The following SEPHS1 variants were observed in gnomAD, a reference collection of about 807,000 sequenced individuals.
SEPHS1 encodes selenophosphate synthetase 1, also known as zincore component SEPHS1.
SEPHS1 carries 7 observed loss-of-function variants against 39.2 expected under a neutral mutation model. The observed-to-expected ratio is 0.18, with a 90% CI of 0.10 to 0.34. The LOEUF (loss-of-function observed/expected upper bound fraction) is 0.34. Among genes scored for constraint, SEPHS1 ranks in the 10% least tolerant of loss-of-function variants. The probability of loss-of-function intolerance (pLI) is 1.00; values close to 1 mark genes in which losing one functional copy is unlikely to be tolerated. For missense variants in SEPHS1, 253 were observed against 514.5 expected (o/e 0.49, Z 4.92); for synonymous variants, 190 against 195.5 (o/e 0.97, Z 0.23).
At chr10:13,336,663 G>C (rs1007454217) in intron 3 of SEPHS1, among the ~76,000 whole-genome samples, 1 of 152,186 alleles carries the variant, frequency 6.6e-6, no homozygotes, top group African/African-American at 2.4e-5. Context: ...AGGGGTATAT[G>C]TGCAGCGAAT....
intron 2 of SEPHS1, 149 bp from the exon 3 acceptor site, chr10:13,338,957 G>GTT: frequency 1.5e-6 from 1 of 651,524 alleles, no homozygotes; most frequent in Non-Finnish European, 2.8e-6. Flanking sequence ...ATCAAGAAGC[G>GTT]TAACTGAAAT....
At chr10:13,332,209 G>T (rs1352198138) in intron 5 of SEPHS1, among the ~76,000 whole-genome samples, 1 of 152,228 alleles carries the variant, frequency 6.6e-6, no homozygotes, top group Non-Finnish European at 1.5e-5. Flanking sequence ...ATGCGATACC[G>T]ATTCATGCTA....
rs1382323318 is a variant in SEPHS1, at chr10:13,318,383, C to A, written c.*759G>T. 2.0e-5 allele frequency: 3 copies of A among 152,506 alleles called. No individual in the cohort carries two copies. The highest frequency in any genetic ancestry group is 6.6e-5 in the Admixed American group (1 of 15,260). 9.4% of individuals were successfully genotyped at this position (152,506 alleles called of 1,614,324 possible). A position where few individuals can be genotyped will look rare whatever the true frequency, so the allele number is the denominator to read the frequency against. On this transcript the variant is annotated 3_prime_UTR_variant, in exon 9 of 9. Transcript: ENST00000327347. ...ATTGTAAATGAGTATTATACATGAA[C>A]CTCCATTCGGAAGGCAATTCCTTGT...
chr10:13,337,625 C>A (rs1207178396), intron 3 of SEPHS1, among the ~76,000 whole-genome samples: 1 of 152,182 alleles, frequency 6.6e-6, no homozygotes, highest in Non-Finnish European at 1.5e-5. Flanking sequence ...AACAGGTGGT[C>A]TACAACTCGC....
chr10:13,319,431 G>A lies in SEPHS1; in HGVS notation c.965-75C>T, dbSNP rs749067114. On this transcript the variant is annotated intron_variant, in intron 8 of 8. Transcript: ENST00000327347. ...TCTCTGCCTCTGCTGCTTCTGCAGAGATCCAACTTCCATCAACAACTTGCT... is the reference window on the plus strand; with the variant it reads ...TCTCTGCCTCTGCTGCTTCTGCAGAAATCCAACTTCCATCAACAACTTGCT... The A allele has an allele frequency of 5.4e-5, 80 of 1,469,710 alleles. 1 individual carries two copies. In the South Asian group the frequency reaches 8.7e-4, roughly 16 times the overall value. The allele number at this position is 1,469,710 out of a possible 1,614,324, so 91.0% of individuals were successfully genotyped here.
chr10:13,319,394 A>G, intron 8 of SEPHS1, 38 bp from the exon 9 acceptor site: 1 of 1,601,676 alleles, frequency 6.2e-7, no homozygotes, highest in Non-Finnish European at 8.5e-7. Flanking sequence ...TAGTGTTGAC[A>G]TGACAGCAGC....
At chr10:13,346,011 T>C (rs547770710) in intron 1 of SEPHS1, among the ~76,000 whole-genome samples, 2 of 151,660 alleles carry the variant, frequency 1.3e-5, no homozygotes, top group South Asian at 2.1e-4. Context: ...GAAAGTTCTC[T>C]GATGTTTTCA....
chr10:13,345,116 G>A (rs940171407), intron 1 of SEPHS1, 88 bp from the exon 2 acceptor site: 1 of 530,768 alleles, frequency 1.9e-6, no homozygotes, highest in Non-Finnish European at 3.2e-6. Context: ...ACAGCGAAAA[G>A]TCAATGTGAC....
rs751731346 is a variant in SEPHS1 at position 13,336,229 on chromosome 10, T to C, written c.405+14A>G. On this transcript the variant is annotated intron_variant, in intron 4 of 8. Coordinates refer to ENST00000327347, the MANE Select transcript of SEPHS1 (RefSeq NM_012247.5). ...CAACACGGACCAGGCAGCAGCCGGG[T>C]AGCTCCTACTTACCCTGTCGGTCAT... The C allele has an allele frequency of 1.3e-6, 2 of 1,570,518 alleles. No homozygotes were observed. The highest frequency in any genetic ancestry group is 1.7e-5 in the Admixed American group (1 of 59,798).
chr10:13,345,172 A>G (rs1833888102), intron 1 of SEPHS1, 144 bp from the exon 2 acceptor site: 1 of 391,104 alleles, frequency 2.6e-6, no homozygotes, highest in Non-Finnish European at 4.5e-6. Flanking sequence ...ACAGCAGTGC[A>G]TATGACAAAA....
chr10:13,347,913 G>T (rs1833981841), intron 1 of SEPHS1, 87 bp downstream of exon 1: 1 of 146,460 alleles, frequency 6.8e-6, no homozygotes, highest in African/African-American at 2.5e-5. Flanking sequence ...CGGCCCGGAG[G>T]GGGATTTGCA....
At chr10:13,332,774 T>C (rs903719884) in intron 5 of SEPHS1, among the ~76,000 whole-genome samples, 29 of 150,422 alleles carry the variant, frequency 1.9e-4, no homozygotes, top group Non-Finnish European at 4.0e-4. Context: ...ACCCGGGAGA[T>C]GGAGCTTGCA....
chr10:13,334,115 G>A, intron 4 of SEPHS1, 144 bp from the exon 5 acceptor site: 1 of 723,564 alleles, frequency 1.4e-6, no homozygotes. Flanking sequence ...AGGTTGTTAG[G>A]GGCCAGGCAT....
At chr10:13,321,405 G>A (rs779884285) in intron 8 of SEPHS1, among the ~76,000 whole-genome samples, 1 of 151,962 alleles carries the variant, frequency 6.6e-6, no homozygotes, top group Non-Finnish European at 1.5e-5. Context: ...ACGCCACGAC[G>A]CCCCGCTAAT....
chr10:13,344,151 C>T (rs1164639065), intron 2 of SEPHS1, among the ~76,000 whole-genome samples: 1 of 152,174 alleles, frequency 6.6e-6, no homozygotes, highest in African/African-American at 2.4e-5. Context: ...TCGCCCGATG[C>T]ACCCTGCAGA....
intron 1 of SEPHS1, among the ~76,000 whole-genome samples, chr10:13,345,688 C>A (rs539276165): frequency 6.6e-6 from 1 of 152,108 alleles, no homozygotes; most frequent in African/African-American, 2.4e-5. Flanking sequence ...ACAAGCCTGG[C>A]CAACATGGCG....
chr10:13,334,096 A>G (rs1833552377), intron 4 of SEPHS1, 125 bp from the exon 5 acceptor site: 1 of 852,690 alleles, frequency 1.2e-6, no homozygotes, highest in South Asian at 1.8e-5. Flanking sequence ...CAAAGTTTAC[A>G]GACAGGGAAG....
intron 2 of SEPHS1, 69 bp from the exon 3 acceptor site, chr10:13,338,877 G>A (rs1833713439): frequency 9.0e-7 from 1 of 1,107,306 alleles, no homozygotes; most frequent in Non-Finnish European, 1.4e-6. Flanking sequence ...TATCACCAGT[G>A]CTCTGAACAG....
At chr10:13,323,794 T>C (rs1194943346) in intron 7 of SEPHS1, among the ~76,000 whole-genome samples, 1 of 151,226 alleles carries the variant, frequency 6.6e-6, no homozygotes, top group Non-Finnish European at 1.5e-5. Flanking sequence ...CAGGCTGGAG[T>C]GCAGTGGCAT....
Sources: allele counts gnomAD v4.1 joint callset (sites outside exome capture counted in the v4.1 genomes callset), GRCh38; gene constraint gnomAD v4.1.1; transcripts MANE v1.5; gene names NCBI Gene and HGNC (gene_info 2026-07-23, HGNC 2026-07-21).